Variants in CNTN1 observed in about 807,000 individuals in gnomAD.
CNTN1 encodes contactin-1.
Under a neutral mutation model 126.4 loss-of-function variants are expected in CNTN1, and 38 were observed. The observed-to-expected ratio is 0.30, with a 90% CI of 0.23 to 0.39. The LOEUF (loss-of-function observed/expected upper bound fraction) is 0.39, where lower values mean the gene tolerates loss of function less well. CNTN1 is among the 10% of genes least tolerant of loss of function. CNTN1 has a pLI of 1.00. For missense variants in CNTN1, 1,009 were observed against 1,248.4 expected (o/e 0.81, Z 2.89); for synonymous variants, 413 against 422.6 (o/e 0.98, Z 0.28).
chr12:40,729,514 G>A (rs1178996525), intron 1 of CNTN1: 12 of 216,888 alleles, frequency 5.5e-5, no homozygotes, highest in Non-Finnish European at 8.2e-5. Flanking sequence ...CCACGTATGA[G>A]TGCCTCATGC....
chr12:40,866,123 G>GC (rs35045481), intron 1 of CNTN1, among the ~76,000 whole-genome samples: 53,185 of 151,676 alleles, frequency 0.35, 9,401 homozygotes, highest in Admixed American at 0.41. Context: ...ATTGTTCATT[G>GC]CAAGTATATA....
intron 1 of CNTN1, among the ~76,000 whole-genome samples, chr12:40,900,392 A>G (rs1404764669): frequency 6.6e-6 from 1 of 152,152 alleles, no homozygotes; most frequent in Non-Finnish European, 1.5e-5. Context: ...TTTAGGTGGT[A>G]GCAAAAATAG....
intron 1 of CNTN1, among the ~76,000 whole-genome samples, chr12:40,862,309 G>A (rs1209678130): frequency 1.3e-5 from 2 of 152,040 alleles, no homozygotes; most frequent in African/African-American, 4.8e-5. Context: ...TCCAGGTTGT[G>A]TTCAGTGTCA....
At chr12:40,943,515 A>G in intron 12 of CNTN1, 82 bp from the exon 13 acceptor site, 1 of 1,071,876 alleles carries the variant, frequency 9.3e-7, no homozygotes. Flanking sequence ...TAATTGAAAA[A>G]TATTAGTGTT....
At chr12:40,998,661 C>A (rs1420425609) in intron 17 of CNTN1, among the ~76,000 whole-genome samples, 1 of 151,800 alleles carries the variant, frequency 6.6e-6, no homozygotes, top group Non-Finnish European at 1.5e-5. Flanking sequence ...TTTGATAGCT[C>A]TTCAGAATTA....
chr12:40,814,923 AGTT>A (rs1284254114), intron 1 of CNTN1, among the ~76,000 whole-genome samples: 3 of 151,720 alleles, frequency 2.0e-5, no homozygotes, highest in Non-Finnish European at 4.4e-5. Context: ...ATCCCTTGTA[AGTT>A]GGATTCCTAG....
At chr12:40,825,114 A>G (rs1368974694) in intron 1 of CNTN1, among the ~76,000 whole-genome samples, 1 of 152,174 alleles carries the variant, frequency 6.6e-6, no homozygotes, top group Non-Finnish European at 1.5e-5. Flanking sequence ...TGTAGAAGGT[A>G]CACAATAAAT....
intron 1 of CNTN1, among the ~76,000 whole-genome samples, chr12:40,885,560 C>T (rs914288874): frequency 6.6e-6 from 1 of 151,948 alleles, no homozygotes; most frequent in Admixed American, 6.6e-5. Context: ...CTCAATTTCT[C>T]TATCTGTAAA....
At chr12:40,884,577 GA>G (rs1231323486) in intron 1 of CNTN1, among the ~76,000 whole-genome samples, 4 of 151,308 alleles carry the variant, frequency 2.6e-5, no homozygotes, top group African/African-American at 9.7e-5. Context: ...AGCAGTATAG[GA>G]AAATATTAAT....
intron 1 of CNTN1, among the ~76,000 whole-genome samples, chr12:40,780,296 A>G (rs774184607): frequency 2.0e-5 from 3 of 151,910 alleles, no homozygotes; most frequent in Non-Finnish European, 4.4e-5. Context: ...TGAACTTGTC[A>G]CATACATATC....
intron 1 of CNTN1, among the ~76,000 whole-genome samples, chr12:40,880,474 A>G (rs867432939): frequency 6.6e-6 from 1 of 152,210 alleles, no homozygotes; most frequent in Middle Eastern, 3.4e-3. Flanking sequence ...CTGTAATGCC[A>G]AGTACAAATA....
At chr12:41,000,404 A>C (rs1300512123) in intron 17 of CNTN1, among the ~76,000 whole-genome samples, 1 of 152,152 alleles carries the variant, frequency 6.6e-6, no homozygotes, top group African/African-American at 2.4e-5. Flanking sequence ...AAAAGTTTTA[A>C]CTTCAGAATA....
intron 14 of CNTN1, among the ~76,000 whole-genome samples, chr12:40,945,230 T>C (rs760227408): frequency 6.6e-6 from 1 of 152,120 alleles, no homozygotes; most frequent in Non-Finnish European, 1.5e-5. Context: ...TTTGACATTA[T>C]ATACCATGTA....
intron 1 of CNTN1, among the ~76,000 whole-genome samples, chr12:40,745,663 T>G (rs1408588909): frequency 6.6e-6 from 1 of 152,178 alleles, no homozygotes; most frequent in Non-Finnish European, 1.5e-5. Context: ...TCTTAGTCAA[T>G]TCTCTCCTGG....
At chr12:40,813,038 CCT>C (rs1941129113) in intron 1 of CNTN1, among the ~76,000 whole-genome samples, 2 of 84,950 alleles carry the variant, frequency 2.4e-5, no homozygotes, top group African/African-American at 8.0e-5. Flanking sequence ...CTCTTTCTTT[CCT>C]TTCTTTCTTT....
At chr12:40,709,307 A>T (rs1419886184) in intron 1 of CNTN1, among the ~76,000 whole-genome samples, 2 of 152,200 alleles carry the variant, frequency 1.3e-5, no homozygotes. Flanking sequence ...CGGTCTCAAC[A>T]GTGGGCTTAA....
chr12:40,932,865 A>G (rs984917644), intron 7 of CNTN1, among the ~76,000 whole-genome samples: 1 of 151,998 alleles, frequency 6.6e-6, no homozygotes, highest in African/African-American at 2.4e-5. Flanking sequence ...TCACCTTTCT[A>G]AGCCTGATTT....
At chr12:40,712,930 G>A (rs1459519064) in intron 1 of CNTN1, among the ~76,000 whole-genome samples, 2 of 152,094 alleles carry the variant, frequency 1.3e-5, no homozygotes, top group Non-Finnish European at 1.5e-5. Flanking sequence ...GCAGGTAATC[G>A]GGGGATGTGA....
At chr12:41,019,764 T>A (rs1026361649) in intron 19 of CNTN1, among the ~76,000 whole-genome samples, 3 of 151,610 alleles carry the variant, frequency 2.0e-5, no homozygotes, top group African/African-American at 7.3e-5. Flanking sequence ...CTCTTAAAAA[T>A]TTTTTTTTAA....
Sources: allele counts gnomAD v4.1 joint callset (sites outside exome capture counted in the v4.1 genomes callset), GRCh38; gene constraint gnomAD v4.1.1; transcripts MANE v1.5; gene names NCBI Gene and HGNC (gene_info 2026-07-23, HGNC 2026-07-21).